MYO1D: variants seen among roughly 807,000 people sequenced by gnomAD.
MYO1D encodes the protein unconventional myosin-Id.
Under a neutral mutation model 122.0 loss-of-function variants are expected in MYO1D, and 83 were observed. The ratio of observed to expected loss-of-function variants is 0.68; its 90% confidence interval spans 0.57 to 0.82. MYO1D has a LOEUF of 0.82. MYO1D is among the 40% of genes least tolerant of loss of function. The probability of loss-of-function intolerance (pLI) is 0.00; values close to 1 mark genes in which losing one functional copy is unlikely to be tolerated. For missense variants in MYO1D, 1,157 were observed against 1,269.5 expected, an observed-to-expected ratio of 0.91 and a Z score of 1.35; for synonymous variants, 464 against 446.9, an observed-to-expected ratio of 1.04 and a Z score of -0.48.
intron 21 of MYO1D, among the ~76,000 whole-genome samples, chr17:32,525,967 T>C (rs1355681138): frequency 6.6e-6 from 1 of 152,218 alleles, no homozygotes; most frequent in African/African-American, 2.4e-5. Context: ...GTTTTGCCTT[T>C]AGGCTTTTGC....
chr17:32,660,309 C>CT (rs1044765442), intron 16 of MYO1D, among the ~76,000 whole-genome samples: 13 of 152,192 alleles, frequency 8.5e-5, no homozygotes, highest in Non-Finnish European at 1.6e-4. Context: ...ATTTCCCTCC[C>CT]TAGTCCCTGG....
At chr17:32,662,902 C>T (rs1344292632) in intron 16 of MYO1D, among the ~76,000 whole-genome samples, 6 of 147,986 alleles carry the variant, frequency 4.1e-5, no homozygotes, top group African/African-American at 7.5e-5. Flanking sequence ...TTTAGTGGGT[C>T]GTGCTACTTT....
At chr17:32,824,702 C>T (rs1567660189) in intron 1 of MYO1D, among the ~76,000 whole-genome samples, 1 of 152,226 alleles carries the variant, frequency 6.6e-6, no homozygotes. Context: ...GGAGCTGGTG[C>T]TCTGGTCTAA....
chr17:32,513,707 T>C (rs1025230444), intron 21 of MYO1D, among the ~76,000 whole-genome samples: 1 of 152,208 alleles, frequency 6.6e-6, no homozygotes, highest in African/African-American at 2.4e-5. Flanking sequence ...CTATATTAAG[T>C]GACAGCAAAT....
intron 21 of MYO1D, among the ~76,000 whole-genome samples, chr17:32,534,885 T>A (rs1184762475): frequency 6.6e-6 from 1 of 152,228 alleles, no homozygotes; most frequent in African/African-American, 2.4e-5. Context: ...CCCCAGCTGC[T>A]GTGCTTCAGT....
chr17:32,698,978 A>C (rs770862709), intron 16 of MYO1D, among the ~76,000 whole-genome samples: 17 of 152,012 alleles, frequency 1.1e-4, no homozygotes, highest in Non-Finnish European at 2.4e-4. Context: ...TTTAATTTTA[A>C]TTTTTTTCAA....
chr17:32,780,835 G>C, intron 1 of MYO1D, 51 bp from the exon 2 acceptor site: 1 of 1,530,072 alleles, frequency 6.5e-7, no homozygotes, highest in Non-Finnish European at 9.0e-7. Flanking sequence ...ACAGAGAAAT[G>C]ATGTATCTGT....
At chr17:32,873,375 G>C (rs909296761) in intron 1 of MYO1D, among the ~76,000 whole-genome samples, 8 of 152,202 alleles carry the variant, frequency 5.3e-5, no homozygotes, top group African/African-American at 1.9e-4. Flanking sequence ...AGACTGGGGA[G>C]TAAGAGCAGG....
At position 32,765,544 on chromosome 17, in the gene MYO1D, T is replaced by TG. The variant is rs534279910; in HGVS notation, c.832-464dup. Among the ~76,000 whole-genome samples the TG allele has an allele frequency of 2.0e-4, 31 of 152,112 alleles. No homozygotes were observed. The South Asian group carries it at 6.4e-3, about 32-fold the overall frequency. On this transcript the variant is annotated intron_variant, in intron 7 of 21. Coordinates refer to ENST00000318217, the MANE Select transcript of MYO1D (RefSeq NM_015194.3). ...TGCGATCTTGGCTCACTGCAAGCTC[T>TG]GCCTCCTGGGTTCACGCCATTCTCC...
chr17:32,716,749 A>C (rs1364000489), intron 15 of MYO1D, among the ~76,000 whole-genome samples: 2 of 152,240 alleles, frequency 1.3e-5, no homozygotes, highest in Non-Finnish European at 1.5e-5. Flanking sequence ...GCTATCCTAC[A>C]GCCCCACTGC....
chr17:32,750,000 G>A (rs936429975), intron 11 of MYO1D, among the ~76,000 whole-genome samples: 1 of 152,130 alleles, frequency 6.6e-6, no homozygotes, highest in Admixed American at 6.5e-5. Context: ...GCTAGTAAGT[G>A]GTACCCCTGG....
chr17:32,767,462 C>A (rs1020911633), intron 7 of MYO1D, among the ~76,000 whole-genome samples, 174 bp downstream of exon 7: 4 of 152,026 alleles, frequency 2.6e-5, no homozygotes, highest in Non-Finnish European at 4.4e-5. Context: ...CTTGGAAAAT[C>A]CCTCATAATA....
chr17:32,859,702 A>C (rs1227365813), intron 1 of MYO1D, among the ~76,000 whole-genome samples: 1 of 152,226 alleles, frequency 6.6e-6, no homozygotes, highest in African/African-American at 2.4e-5. Flanking sequence ...TTGTTCCTTC[A>C]GTCATTCCTT....
intron 21 of MYO1D, among the ~76,000 whole-genome samples, chr17:32,534,465 G>A (rs569503644): frequency 3.3e-5 from 5 of 152,092 alleles, no homozygotes; most frequent in Non-Finnish European, 4.4e-5. Context: ...GAGCCACTGC[G>A]CCCAGCTGGA....
At chr17:32,864,269 C>T (rs1004520493) in intron 1 of MYO1D, among the ~76,000 whole-genome samples, 1 of 151,608 alleles carries the variant, frequency 6.6e-6, no homozygotes, top group African/African-American at 2.4e-5. Context: ...CCTCCATGAC[C>T]CAGGACACGA....
intron 1 of MYO1D, among the ~76,000 whole-genome samples, chr17:32,804,989 C>T (rs2090497894): frequency 6.6e-6 from 1 of 152,158 alleles, no homozygotes; most frequent in Non-Finnish European, 1.5e-5. Context: ...ATTATACAAA[C>T]TCTTAACTCA....
At chr17:32,708,168 T>C (rs563137852) in intron 16 of MYO1D, among the ~76,000 whole-genome samples, 1 of 151,972 alleles carries the variant, frequency 6.6e-6, no homozygotes, top group Admixed American at 6.6e-5. Flanking sequence ...AGAGGAAAAA[T>C]GTGGGGAAAA....
intron 1 of MYO1D, among the ~76,000 whole-genome samples, chr17:32,797,408 G>T (rs2090426155): frequency 6.6e-6 from 1 of 152,210 alleles, no homozygotes; most frequent in South Asian, 2.1e-4. Context: ...TTGGGCACAG[G>T]CTGGGAGGCA....
intron 21 of MYO1D, among the ~76,000 whole-genome samples, chr17:32,597,699 C>T (rs2087510895): frequency 6.6e-6 from 1 of 151,470 alleles, no homozygotes; most frequent in Non-Finnish European, 1.5e-5. Context: ...TGGTGAAACC[C>T]CATCTCTACT....
Sources: gnomAD v4.1 joint callset for allele counts (sites outside exome capture counted in the v4.1 genomes callset) on GRCh38, gnomAD v4.1.1 for gene constraint, MANE v1.5 for transcripts, NCBI Gene and HGNC (gene_info 2026-07-23, HGNC 2026-07-21) for gene names.